ENPP6: variants seen among roughly 807,000 people sequenced by gnomAD.
The protein encoded by ENPP6 is ectonucleotide pyrophosphatase/phosphodiesterase 6.
ENPP6 carries 32 observed loss-of-function variants against 42.0 expected under a neutral mutation model. The observed-to-expected ratio is 0.76, with a 90% CI of 0.58 to 1.02. The LOEUF (loss-of-function observed/expected upper bound fraction) is 1.02. Among genes scored for constraint, ENPP6 ranks in the 50% least tolerant of loss-of-function variants. The pLI, the probability that ENPP6 is intolerant of heterozygous loss-of-function variation, is 0.00. For missense variants in ENPP6, 552 were observed against 566.8 expected, an observed-to-expected ratio of 0.97 and a Z score of 0.27; for synonymous variants, 213 against 216.0, an observed-to-expected ratio of 0.99 and a Z score of 0.12.
At chr4:184,117,115 A>G (rs553372832) in intron 4 of ENPP6, 80 bp from the exon 5 acceptor site, 12 of 1,529,300 alleles carry the variant, frequency 7.8e-6, no homozygotes, top group Non-Finnish European at 1.1e-5. Context: ...ACTACAAATG[A>G]TAGGAGAAAG....
intron 7 of ENPP6, among the ~76,000 whole-genome samples, chr4:184,093,313 G>A (rs887048130): frequency 6.6e-6 from 1 of 152,136 alleles, no homozygotes; most frequent in Admixed American, 6.5e-5. Flanking sequence ...ATAAGGGTCA[G>A]CTTCTCCTCA....
chr4:184,191,890 G>A (rs1011525605), intron 1 of ENPP6, among the ~76,000 whole-genome samples: 9 of 152,036 alleles, frequency 5.9e-5, no homozygotes, highest in South Asian at 2.1e-4. Flanking sequence ...TCACATTAAC[G>A]TCAAAAAAAA....
chr4:184,170,843 G>T lies in ENPP6; in HGVS notation c.242-17110C>A, dbSNP rs141407004. On this transcript the variant is annotated intron_variant, in intron 1 of 7. Transcript: ENST00000296741. The stretch of plus-strand genomic sequence containing the variant: ...TCAGCCTAATCTATCCACTGTCAAG[G>T]TTCCTATCAACCTGCATGTAATGGT... Among the ~76,000 whole-genome samples, 119 of 152,252 alleles carry T rather than the reference G, an allele frequency of 7.8e-4. No homozygotes were observed. In the East Asian group the frequency reaches 0.02, roughly 25 times the overall value.
chr4:184,097,070 T>C (rs1288371886), intron 7 of ENPP6, among the ~76,000 whole-genome samples, 175 bp downstream of exon 7: 1 of 152,184 alleles, frequency 6.6e-6, no homozygotes, highest in African/African-American at 2.4e-5. Context: ...CCAAGAAGCA[T>C]TTGAAAGGAA....
intron 6 of ENPP6, among the ~76,000 whole-genome samples, chr4:184,103,147 C>T (rs532673600): frequency 7.2e-4 from 109 of 152,354 alleles, no homozygotes; most frequent in African/African-American, 2.1e-3. Flanking sequence ...TTCCAACAGG[C>T]GGGAGCCAGG....
intron 3 of ENPP6, among the ~76,000 whole-genome samples, chr4:184,121,516 T>C (rs1736416009): frequency 6.6e-6 from 1 of 152,234 alleles, no homozygotes; most frequent in Non-Finnish European, 1.5e-5. Flanking sequence ...TGTGTGTGCA[T>C]GTTTGGGCAC....
intron 2 of ENPP6, among the ~76,000 whole-genome samples, chr4:184,137,383 C>A (rs1376330483): frequency 6.6e-6 from 1 of 152,248 alleles, no homozygotes; most frequent in Admixed American, 6.5e-5. Context: ...AGGCGTGAGC[C>A]ACTGTGCCCG....
chr4:184,208,690 C>A lies in ENPP6; in HGVS notation c.241+8889G>T, dbSNP rs561469660. The stretch of plus-strand genomic sequence containing the variant: ...GGGCGCCCGCCATTGCCCAGGCTTG[C>A]TTAGGTAAACAAAGCAGCAGGGAAG... On this transcript the variant is annotated intron_variant, in intron 1 of 7. Coordinates refer to ENST00000296741, the MANE Select transcript of ENPP6 (RefSeq NM_153343.4). Among the ~76,000 whole-genome samples the A allele has an allele frequency of 5.8e-3, 868 of 148,552 alleles. 2 individuals are homozygous for A. The highest frequency in any genetic ancestry group is 8.6e-3 in the African/African-American group (338 of 39,402).
At chr4:184,160,899 G>C (rs1324618754) in intron 1 of ENPP6, among the ~76,000 whole-genome samples, 1 of 152,190 alleles carries the variant, frequency 6.6e-6, no homozygotes, top group Non-Finnish European at 1.5e-5. Flanking sequence ...ATATTCATGA[G>C]TTGGGTGAAT....
chr4:184,154,376 G>A (rs1222256146), intron 1 of ENPP6, among the ~76,000 whole-genome samples: 1 of 152,174 alleles, frequency 6.6e-6, no homozygotes, highest in African/African-American at 2.4e-5. Flanking sequence ...GCAAACGCTT[G>A]GACTCTTTTG....
At chr4:184,129,320 ACACAC>A (rs1345962261) in intron 2 of ENPP6, among the ~76,000 whole-genome samples, 1 of 151,094 alleles carries the variant, frequency 6.6e-6, no homozygotes, top group Non-Finnish European at 1.5e-5. Flanking sequence ...ACACACACAC[ACACAC>A]ACCAGAAACA....
chr4:184,113,915 C>CTTTG (rs1242906206), intron 5 of ENPP6, among the ~76,000 whole-genome samples: 3 of 127,338 alleles, frequency 2.4e-5, no homozygotes, highest in African/African-American at 9.1e-5. Flanking sequence ...TTCTTTCTTT[C>CTTTG]TTTCTTTCTT....
intron 1 of ENPP6, among the ~76,000 whole-genome samples, chr4:184,170,778 C>T (rs889313548): frequency 5.3e-5 from 8 of 152,170 alleles, no homozygotes; most frequent in Non-Finnish European, 1.0e-4. Context: ...CCATGTGGCT[C>T]GTGGTGTCTG....
chr4:184,174,310 G>A (rs569789455), intron 1 of ENPP6, among the ~76,000 whole-genome samples: 1 of 151,854 alleles, frequency 6.6e-6, no homozygotes, highest in Non-Finnish European at 1.5e-5. Context: ...GCTAATTTTT[G>A]TATTTTTAGT....
intron 1 of ENPP6, among the ~76,000 whole-genome samples, chr4:184,181,393 C>G (rs1035652376): frequency 6.6e-6 from 1 of 152,192 alleles, no homozygotes; most frequent in East Asian, 1.9e-4. Context: ...CTTCCATGCT[C>G]ATGGATAGGA....
At chr4:184,213,464 A>G (rs1171391746) in intron 1 of ENPP6, among the ~76,000 whole-genome samples, 1 of 152,188 alleles carries the variant, frequency 6.6e-6, no homozygotes, top group East Asian at 1.9e-4. Flanking sequence ...GAAGACATTT[A>G]TGCGGCCAAA....
chr4:184,090,820 A>G lies in ENPP6; in HGVS notation c.*357T>C, dbSNP rs1735775809. The G allele has an allele frequency of 7.4e-6, 3 of 405,220 alleles. No homozygotes were observed. Among genetic ancestry groups the G allele is most frequent in the Non-Finnish European group, 1.3e-5 (3 of 228,938 alleles). The allele number at this position is 405,220 out of a possible 1,614,324, so 25.1% of individuals were successfully genotyped here. A position where few individuals can be genotyped will look rare whatever the true frequency, so the allele number is the denominator to read the frequency against. Reference sequence around the variant, plus strand: ...GGGGGTCCTTTGTGCAAGGTGGGACAGAGAGGGGCCCAGAGCCACGTCTGT... The same window carrying G: ...GGGGGTCCTTTGTGCAAGGTGGGACGGAGAGGGGCCCAGAGCCACGTCTGT... On this transcript the variant is annotated 3_prime_UTR_variant, in exon 8 of 8. Coordinates refer to ENST00000296741, the MANE Select transcript of ENPP6 (RefSeq NM_153343.4).
At chr4:184,173,258 C>T (rs765322826) in intron 1 of ENPP6, among the ~76,000 whole-genome samples, 4 of 152,104 alleles carry the variant, frequency 2.6e-5, no homozygotes, top group Non-Finnish European at 5.9e-5. Context: ...AACTCCACTT[C>T]AAGAAGTCTA....
chr4:184,150,139 G>A (rs1220210633), intron 2 of ENPP6, among the ~76,000 whole-genome samples: 1 of 152,060 alleles, frequency 6.6e-6, no homozygotes, highest in African/African-American at 2.4e-5. Context: ...ATTTCCAGAG[G>A]CATATTTCTC....
Sources: allele counts gnomAD v4.1 joint callset (sites outside exome capture counted in the v4.1 genomes callset), GRCh38; gene constraint gnomAD v4.1.1; transcripts MANE v1.5; gene names NCBI Gene and HGNC (gene_info 2026-07-23, HGNC 2026-07-21).